Variants in SLC24A3 observed in about 807,000 individuals in gnomAD.
The protein encoded by SLC24A3 is solute carrier family 24 member 3.
A neutral mutation model predicts 75.8 loss-of-function variants in SLC24A3; 28 were observed. The observed-to-expected ratio is 0.37, with a 90% CI of 0.27 to 0.51. SLC24A3 has a LOEUF of 0.51. Ranked by LOEUF, SLC24A3 falls within the 20% of genes least tolerant of loss-of-function variation. SLC24A3 has a pLI of 0.94. For synonymous variants in SLC24A3, 372 were observed against 334.1 expected, an observed-to-expected ratio of 1.11 and a Z score of -1.24; for missense variants, 663 against 847.8, an observed-to-expected ratio of 0.78 and a Z score of 2.71.
At chr20:19,456,067 A>G (rs1600236739) in intron 2 of SLC24A3, among the ~76,000 whole-genome samples, 1 of 152,194 alleles carries the variant, frequency 6.6e-6, no homozygotes, top group East Asian at 1.9e-4. Flanking sequence ...TGAAATCTCC[A>G]CAAGTCCTAT....
chr20:19,357,124 G>T (rs1985700521), intron 2 of SLC24A3, among the ~76,000 whole-genome samples: 1 of 152,092 alleles, frequency 6.6e-6, no homozygotes, highest in Non-Finnish European at 1.5e-5. Flanking sequence ...TAAGAGAGAG[G>T]CAGTGGGAGA....
At chr20:19,413,081 C>T in intron 2 of SLC24A3, among the ~76,000 whole-genome samples, 1 of 152,104 alleles carries the variant, frequency 6.6e-6, no homozygotes, top group Non-Finnish European at 1.5e-5. Flanking sequence ...TCTGTTAGCT[C>T]CTGAAGTAAT....
intron 7 of SLC24A3, among the ~76,000 whole-genome samples, chr20:19,660,915 G>T (rs6035406): frequency 5.3e-5 from 8 of 152,098 alleles, no homozygotes; most frequent in Admixed American, 5.2e-4. Flanking sequence ...GTCTTACAAA[G>T]GTCGCCTGTT....
intron 3 of SLC24A3, among the ~76,000 whole-genome samples, chr20:19,557,194 A>C (rs993485651): frequency 6.6e-6 from 1 of 152,168 alleles, no homozygotes; most frequent in African/African-American, 2.4e-5. Context: ...TATCCGCTAG[A>C]TAAAGAGGTC....
chr20:19,561,310 C>T (rs1303688696), intron 3 of SLC24A3, among the ~76,000 whole-genome samples: 1 of 152,174 alleles, frequency 6.6e-6, no homozygotes, highest in Non-Finnish European at 1.5e-5. Context: ...TTGTAATTAA[C>T]ATCGGATCCA....
intron 2 of SLC24A3, among the ~76,000 whole-genome samples, chr20:19,513,106 G>A (rs977335955): frequency 2.8e-4 from 42 of 151,554 alleles, no homozygotes; most frequent in Non-Finnish European, 4.4e-4. Flanking sequence ...ACTGAAAAAT[G>A]CAAAGAAAAA....
At chr20:19,684,745 A>C (rs2032654265) in intron 11 of SLC24A3, among the ~76,000 whole-genome samples, 2 of 152,180 alleles carry the variant, frequency 1.3e-5, no homozygotes, top group Admixed American at 6.5e-5. Flanking sequence ...TTATTGATAC[A>C]CTAGACCAAA....
chr20:19,437,439 G>T (rs568239520), intron 2 of SLC24A3, among the ~76,000 whole-genome samples: 1 of 152,216 alleles, frequency 6.6e-6, no homozygotes, highest in Non-Finnish European at 1.5e-5. Context: ...CAGCCATGCG[G>T]AACTGTGAGT....
At chr20:19,291,902 G>C (rs1444509664) in intron 2 of SLC24A3, among the ~76,000 whole-genome samples, 1 of 152,228 alleles carries the variant, frequency 6.6e-6, no homozygotes, top group Non-Finnish European at 1.5e-5. Flanking sequence ...CAAAGAGCAG[G>C]CTGGACTCAG....
At chr20:19,382,548 C>T (rs573583512) in intron 2 of SLC24A3, among the ~76,000 whole-genome samples, 1 of 152,272 alleles carries the variant, frequency 6.6e-6, no homozygotes, top group South Asian at 2.1e-4. Context: ...ATTTACTTGT[C>T]CTTCCTGATT....
At chr20:19,535,518 T>G (rs1166123339) in intron 3 of SLC24A3, among the ~76,000 whole-genome samples, 3 of 152,178 alleles carry the variant, frequency 2.0e-5, no homozygotes, top group African/African-American at 7.2e-5. Flanking sequence ...GGCCTAGGCT[T>G]AAAACTGACA....
chr20:19,513,641 C>T (rs779641646), intron 2 of SLC24A3, among the ~76,000 whole-genome samples: 4 of 151,622 alleles, frequency 2.6e-5, no homozygotes, highest in African/African-American at 4.9e-5. Context: ...TCATGATGTT[C>T]CTGTCTTTTC....
At chr20:19,374,552 C>G (rs1986047699) in intron 2 of SLC24A3, among the ~76,000 whole-genome samples, 1 of 152,184 alleles carries the variant, frequency 6.6e-6, no homozygotes, top group Non-Finnish European at 1.5e-5. Flanking sequence ...CCACCCTTCC[C>G]TGTGAGTTTA....
At chr20:19,515,705 T>G in intron 3 of SLC24A3, 141 bp downstream of exon 3, 1 of 748,982 alleles carries the variant, frequency 1.3e-6, no homozygotes. Flanking sequence ...TCGAGCTCTG[T>G]AGGGGGCCAT....
intron 3 of SLC24A3, among the ~76,000 whole-genome samples, chr20:19,556,821 A>G (rs1006700124): frequency 3.3e-5 from 5 of 152,206 alleles, no homozygotes; most frequent in African/African-American, 9.7e-5. Flanking sequence ...CTAACTAGAA[A>G]ACAACACCAG....
intron 6 of SLC24A3, among the ~76,000 whole-genome samples, chr20:19,602,370 G>A (rs531312634): frequency 3.9e-5 from 6 of 152,170 alleles, no homozygotes; most frequent in African/African-American, 1.4e-4. Flanking sequence ...GTCAATGGGT[G>A]GCTTGGGAGA....
chr20:19,494,387 G>A (rs1449920068), intron 2 of SLC24A3, among the ~76,000 whole-genome samples: 3 of 152,160 alleles, frequency 2.0e-5, no homozygotes, highest in East Asian at 3.9e-4. Context: ...TTGCAAACAC[G>A]AATCTTTAGG....
At chr20:19,388,694 C>T (rs1299831398) in intron 2 of SLC24A3, among the ~76,000 whole-genome samples, 1 of 152,148 alleles carries the variant, frequency 6.6e-6, no homozygotes, top group Non-Finnish European at 1.5e-5. Flanking sequence ...TATAGCTATC[C>T]TCTCTTGCTT....
At chr20:19,365,197 A>G (rs568955711) in intron 2 of SLC24A3, among the ~76,000 whole-genome samples, 1 of 152,308 alleles carries the variant, frequency 6.6e-6, no homozygotes, top group South Asian at 2.1e-4. Context: ...TTCTGGGGTG[A>G]TAGGAATCCT....
Sources: gnomAD v4.1 joint callset for allele counts (sites outside exome capture counted in the v4.1 genomes callset) on GRCh38, gnomAD v4.1.1 for gene constraint, MANE v1.5 for transcripts, NCBI Gene and HGNC (gene_info 2026-07-23, HGNC 2026-07-21) for gene names.